PAPOLG: variants seen among roughly 807,000 people sequenced by gnomAD.
PAPOLG encodes the protein poly(A) polymerase gamma.
PAPOLG carries 40 observed loss-of-function variants against 99.0 expected under a neutral mutation model. The ratio of observed to expected loss-of-function variants is 0.40; its 90% CI spans 0.31 to 0.53. The LOEUF (loss-of-function observed/expected upper bound fraction) is 0.53, where lower values mean the gene tolerates loss of function less well. Among genes scored for constraint, PAPOLG ranks in the 20% least tolerant of loss-of-function variants. PAPOLG has a pLI of 0.41. For missense variants in PAPOLG, 675 were observed against 884.1 expected (o/e 0.76, Z 3.00); for synonymous variants, 310 against 299.3 (o/e 1.04, Z -0.37).
intron 7 of PAPOLG, among the ~76,000 whole-genome samples, chr2:60,774,203 C>T (rs1408729739): frequency 1.4e-5 from 2 of 143,842 alleles, no homozygotes; most frequent in Non-Finnish European, 3.0e-5. Flanking sequence ...CACGCTGTTG[C>T]CCCATCTTGA....
intron 21 of PAPOLG, among the ~76,000 whole-genome samples, chr2:60,796,227 T>C (rs1255911871): frequency 2.7e-5 from 3 of 112,220 alleles, no homozygotes; most frequent in Admixed American, 8.6e-5. Context: ...TTTTTTTTTT[T>C]TTTTTTTGGA....
chr2:60,757,334 G>C (rs946420932), intron 1 of PAPOLG, among the ~76,000 whole-genome samples: 5 of 152,118 alleles, frequency 3.3e-5, no homozygotes, highest in Non-Finnish European at 7.3e-5. Flanking sequence ...TCCTTCTCTG[G>C]TCCCAATCAT....
intron 3 of PAPOLG, among the ~76,000 whole-genome samples, chr2:60,767,107 T>C (rs1670699426): frequency 6.6e-6 from 1 of 152,028 alleles, no homozygotes; most frequent in Non-Finnish European, 1.5e-5. Flanking sequence ...GCCACAAATT[T>C]GAGGGATATA....
At chr2:60,796,907 A>C (rs1671724343) in intron 21 of PAPOLG, 155 bp from the exon 22 acceptor site, 1 of 477,476 alleles carries the variant, frequency 2.1e-6, no homozygotes, top group African/African-American at 2.1e-5. Flanking sequence ...GTTCCCTATG[A>C]ACACGGAAGG....
chr2:60,781,764 C>A, intron 10 of PAPOLG, 121 bp from the exon 11 acceptor site: 1 of 1,372,240 alleles, frequency 7.3e-7, no homozygotes, highest in Non-Finnish European at 1.0e-6. Context: ...AAATGTACTT[C>A]TTAAACTTGA....
intron 1 of PAPOLG, among the ~76,000 whole-genome samples, chr2:60,759,377 A>C (rs980300217): frequency 6.6e-6 from 1 of 152,052 alleles, no homozygotes; most frequent in African/African-American, 2.4e-5. Flanking sequence ...CAAAAAAAAA[A>C]AGAAAAAAAA....
At chr2:60,762,501 G>A (rs1670548300) in intron 3 of PAPOLG, among the ~76,000 whole-genome samples, 1 of 151,882 alleles carries the variant, frequency 6.6e-6, no homozygotes, top group Admixed American at 6.6e-5. Flanking sequence ...GTACATATTT[G>A]CATGTTACCT....
chr2:60,770,331 TAAAG>T, intron 5 of PAPOLG, 123 bp from the exon 6 acceptor site: 5 of 679,810 alleles, frequency 7.4e-6, no homozygotes, highest in Non-Finnish European at 9.1e-6. Flanking sequence ...TTAGAAAGGA[TAAAG>T]AAGGGATTAC....
At position 60,761,827 on chromosome 2, in the gene PAPOLG, G is replaced by A. The variant is rs777694403; in HGVS notation, c.246+20G>A. 1.3e-6 allele frequency: 2 copies of A among 1,502,922 alleles called. No homozygotes were observed. Among genetic ancestry groups the A allele is most frequent in the Non-Finnish European group, 1.8e-6 (2 of 1,089,724 alleles). The allele number at this position is 1,502,922 out of a possible 1,614,324, so 93.1% of individuals were successfully genotyped here. ...AGTAAGGTAAGACTCTAAACTATGT[G>A]GAATTCTTGTTTTTATTATATCTTG... On this transcript the variant is annotated intron_variant, in intron 3 of 21. Transcript: ENST00000238714.
intron 12 of PAPOLG, 66 bp downstream of exon 12, chr2:60,782,836 A>G: frequency 6.8e-7 from 1 of 1,475,064 alleles, no homozygotes; most frequent in Middle Eastern, 1.9e-4. Context: ...TGTTAAACAT[A>G]GTTAATATAT....
chr2:60,794,458 C>G, intron 19 of PAPOLG: 2 of 567,948 alleles, frequency 3.5e-6, no homozygotes, highest in Non-Finnish European at 6.1e-6. Context: ...TTGATATGCC[C>G]TGCTTCCAGT....
chr2:60,768,442 G>C, intron 3 of PAPOLG, 28 bp from the exon 4 acceptor site: 1 of 1,609,386 alleles, frequency 6.2e-7, no homozygotes. Context: ...TTGAATAATT[G>C]AATGTCTTCC....
chr2:60,790,920 C>T (rs1256167432), intron 15 of PAPOLG, among the ~76,000 whole-genome samples: 1 of 152,022 alleles, frequency 6.6e-6, no homozygotes, highest in African/African-American at 2.4e-5. Context: ...GAAACCCTGT[C>T]TCTACAAAAA....
Position 60,794,771 on chromosome 2 carries a change from C to T in PAPOLG, c.2051C>T (p.Ser684Leu). Residue 684 changes from serine to leucine, a missense_variant, in exon 20 of 22, where the codon TCA becomes TTA. Transcript: ENST00000238714. Reference sequence around the variant, plus strand: ...ACTGCTGAAGAAAGAAAAAGAAAATCAGTGGTAAATATATTAATAGTGTGC... The same window carrying T: ...ACTGCTGAAGAAAGAAAAAGAAAATTAGTGGTAAATATATTAATAGTGTGC... ...PRTAEERKRK[S>L]VDAIGGESMP... The T allele has an allele frequency of 6.2e-7, 1 of 1,604,234 alleles. No individual in the cohort carries two copies. Among genetic ancestry groups the T allele is most frequent in the Non-Finnish European group, 8.5e-7 (1 of 1,171,348 alleles).
intron 15 of PAPOLG, among the ~76,000 whole-genome samples, chr2:60,790,000 A>G (rs1048392667): frequency 6.6e-6 from 1 of 152,220 alleles, no homozygotes; most frequent in African/African-American, 2.4e-5. Flanking sequence ...AGGCTAAGGC[A>G]GGAGAATCGC....
intron 13 of PAPOLG, among the ~76,000 whole-genome samples, chr2:60,784,713 AT>A (rs1349979762): frequency 2.0e-5 from 3 of 152,170 alleles, no homozygotes; most frequent in African/African-American, 7.2e-5. Flanking sequence ...TCTGCCACCT[AT>A]TTTTATAAAG....
chr2:60,796,026 G>T (rs1489218817), intron 21 of PAPOLG, among the ~76,000 whole-genome samples: 2 of 151,982 alleles, frequency 1.3e-5, no homozygotes, highest in African/African-American at 4.8e-5. Flanking sequence ...CTTGGTTTTG[G>T]CATTTAAGTC....
chr2:60,756,723 G>C (rs1670353869), intron 1 of PAPOLG, among the ~76,000 whole-genome samples: 1 of 152,110 alleles, frequency 6.6e-6, no homozygotes, highest in African/African-American at 2.4e-5. Flanking sequence ...CAGCTGTCCC[G>C]CCTCCGAGGA....
chr2:60,757,340 A>G lies in PAPOLG; in HGVS notation c.17+845A>G, dbSNP rs553705083. ...TCTCCTACCTCCTTCTCTGGTCCCA[A>G]TCATCTCTTGCTCCAGATGTCTCCA... is the stretch of plus-strand genomic sequence containing the variant. On this transcript the variant is annotated intron_variant, in intron 1 of 21. Transcript: ENST00000238714. Among the ~76,000 whole-genome samples the G allele has an allele frequency of 7.9e-5, 12 of 152,320 alleles. No individual in the cohort carries two copies. The East Asian group carries it at 1.9e-3, about 24-fold the overall frequency.
Sources: allele counts gnomAD v4.1 joint callset (sites outside exome capture counted in the v4.1 genomes callset), GRCh38; gene constraint gnomAD v4.1.1; transcripts MANE v1.5; gene names NCBI Gene and HGNC (gene_info 2026-07-23, HGNC 2026-07-21).